Variants in NPHP3 observed in about 807,000 individuals in gnomAD.
The protein encoded by NPHP3 is nephrocystin-3.
A neutral mutation model predicts 171.9 loss-of-function variants in NPHP3; 123 were observed. The ratio of observed to expected loss-of-function variants is 0.72; its 90% CI spans 0.62 to 0.83. NPHP3 has a LOEUF of 0.83. Among genes scored for constraint, NPHP3 ranks in the 40% least tolerant of loss-of-function variants. The probability of loss-of-function intolerance (pLI) is 0.00; values close to 1 mark genes in which losing one functional copy is unlikely to be tolerated. For missense variants in NPHP3, 1,506 were observed against 1,591.9 expected (o/e 0.95, Z 0.92); for synonymous variants, 558 against 579.2 (o/e 0.96, Z 0.52).
intron 5 of NPHP3, among the ~76,000 whole-genome samples, chr3:132,714,703 C>T (rs1381913913): frequency 1.3e-5 from 2 of 152,026 alleles, no homozygotes; most frequent in East Asian, 3.9e-4. Context: ...CCCTCCAGCC[C>T]AGGCAACAGA....
At chr3:132,713,029 A>G in intron 6 of NPHP3, 97 bp downstream of exon 6, 2 of 576,060 alleles carry the variant, frequency 3.5e-6, no homozygotes, top group Non-Finnish European at 6.0e-6. Flanking sequence ...TTTTTATTAT[A>G]AGGATGCAAT....
intron 8 of NPHP3, 63 bp from the exon 9 acceptor site, chr3:132,704,434 A>G: frequency 6.3e-7 from 1 of 1,594,450 alleles, no homozygotes; most frequent in Non-Finnish European, 8.6e-7. Context: ...CAGCGGGGTC[A>G]CCCAGGCCCA....
Position 132,681,819 on chromosome 3 carries a change from C to T in NPHP3, c.*91G>A. The T allele has an allele frequency of 4.1e-6, 5 of 1,205,782 alleles. No individual in the cohort carries two copies. Among genetic ancestry groups the T allele is most frequent in the South Asian group, 1.3e-5 (1 of 79,980 alleles). 74.7% of individuals were successfully genotyped at this position (1,205,782 alleles called of 1,614,324 possible). A position where few individuals can be genotyped will look rare whatever the true frequency, so the allele number is the denominator to read the frequency against. ...AAATCACACGTAGTAAAATTTCGTA[C>T]AACATTTTTTTAAAGTTTCAAATTC... is the stretch of plus-strand genomic sequence containing the variant. On this transcript the variant is annotated 3_prime_UTR_variant, in exon 27 of 27. Transcript: ENST00000337331.
At chr3:132,717,752 C>CTTTTTTTTTTTTT (rs959757847) in intron 3 of NPHP3, among the ~76,000 whole-genome samples, 4 of 81,262 alleles carry the variant, frequency 4.9e-5, no homozygotes, top group East Asian at 4.5e-4. Context: ...CATTAAGAAT[C>CTTTTTTTTTTTTT]TTTTTTTTTT....
At chr3:132,682,181 A>T in intron 26 of NPHP3, 91 bp from the exon 27 acceptor site, 1 of 1,222,490 alleles carries the variant, frequency 8.2e-7, no homozygotes, top group Non-Finnish European at 1.2e-6. Flanking sequence ...AAGAAGCTGT[A>T]AATATTTGCC....
In NPHP3 at chr3:132,722,208, C is replaced by A; in HGVS notation, c.148G>T (p.Gly50Trp). 6.6e-7 allele frequency: 1 copy of A among 1,519,394 alleles called. No homozygotes were observed. The highest frequency in any genetic ancestry group is 8.7e-7 in the Non-Finnish European group (1 of 1,143,300). 94.1% of individuals were successfully genotyped at this position (1,519,394 alleles called of 1,614,324 possible). A position where few individuals can be genotyped will look rare whatever the true frequency, so the allele number is the denominator to read the frequency against. ...LLRNSFRRGA[G>W]AAAGAGPGSL... ...CCGGGCCCGGCCCCTGCTGCCGCCC[C>A]CGCGCCTCGGCGGAACGAGTTGCGC... Residue 50 changes from glycine (G) to tryptophan (W), a missense_variant, in exon 1 of 27, where the codon GGG becomes TGG. By Grantham distance (184) the Gly-to-Trp change is radical. This residue lies in a region of NPHP3 where 930 missense variants were observed against 924.9 expected (regional missense o/e 1.01). Coordinates refer to ENST00000337331, the MANE Select transcript of NPHP3 (RefSeq NM_153240.5).
chr3:132,688,589 G>T, intron 21 of NPHP3, 61 bp downstream of exon 21: 1 of 1,567,132 alleles, frequency 6.4e-7, no homozygotes, highest in African/African-American at 1.3e-5. Flanking sequence ...TACCCTATAA[G>T]TACACTAAAA....
In NPHP3 at chr3:132,692,738, A is replaced by T; in HGVS notation, c.2391T>A (p.Thr797=). The change falls in exon 17 of 27, where the codon ACT becomes ACA. Residue 797 remains threonine (T), a synonymous_variant. Coordinates refer to ENST00000337331, the MANE Select transcript of NPHP3 (RefSeq NM_153240.5). ...LMELYPEMSW[T]FLTSLIHSLY... ...AACTGTGAATAAGGGAGGTCAAGAA[A>T]GTCCAGGACATCTCAGGATAGAGTT... 1 of 1,614,034 alleles carries T rather than the reference A, an allele frequency of 6.2e-7. No individual in the cohort carries two copies. Among genetic ancestry groups the T allele is most frequent in the Non-Finnish European group, 8.5e-7 (1 of 1,179,910 alleles).
chr3:132,695,357 C>T (rs957656717), intron 15 of NPHP3, among the ~76,000 whole-genome samples: 3 of 151,798 alleles, frequency 2.0e-5, no homozygotes, highest in Admixed American at 2.0e-4. Context: ...TTTGAAAACA[C>T]AAGGCTAAAG....
At chr3:132,706,687 A>G (rs1242227400) in intron 7 of NPHP3, among the ~76,000 whole-genome samples, 1 of 152,196 alleles carries the variant, frequency 6.6e-6, no homozygotes, top group African/African-American at 2.4e-5. Flanking sequence ...TTTACCCTAC[A>G]TTTACATTTA....
At chr3:132,693,581 G>C (rs1415863374) in intron 16 of NPHP3, 1 of 152,230 alleles carries the variant, frequency 6.6e-6, no homozygotes, top group Non-Finnish European at 1.5e-5. Context: ...CATAAAAATA[G>C]ATCCAGGTTC....
intron 10 of NPHP3, among the ~76,000 whole-genome samples, 167 bp downstream of exon 10, chr3:132,701,263 C>T (rs576856321): frequency 6.6e-6 from 1 of 152,180 alleles, no homozygotes; most frequent in South Asian, 2.1e-4. Context: ...TTCTCTCTAA[C>T]ATCCAAATTC....
At chr3:132,688,271 T>G (rs1453546916) in intron 21 of NPHP3, among the ~76,000 whole-genome samples, 1 of 152,200 alleles carries the variant, frequency 6.6e-6, no homozygotes, top group Non-Finnish European at 1.5e-5. Context: ...ATGTTTAGAC[T>G]TGGGTCCCAT....
At position 132,705,732 on chromosome 3, in the gene NPHP3, A is replaced by G; in HGVS notation, c.1350+8T>C. ...TTAGATGAAAACTTACAGAGAATGCATATTTACCTGTTTAATAATCTTTTC... is the reference window on the plus strand; with the variant it reads ...TTAGATGAAAACTTACAGAGAATGCGTATTTACCTGTTTAATAATCTTTTC... On this transcript the variant is annotated splice_region_variant and intron_variant, in intron 8 of 26. Coordinates refer to ENST00000337331, the MANE Select transcript of NPHP3 (RefSeq NM_153240.5). The G allele has an allele frequency of 3.2e-6, 4 of 1,263,038 alleles. No homozygotes were observed. The highest frequency in any genetic ancestry group is 4.6e-6 in the Non-Finnish European group (4 of 863,904). The allele number at this position is 1,263,038 out of a possible 1,614,324, so 78.2% of individuals were successfully genotyped here.
rs767660734 is a variant in NPHP3 at position 132,686,261 on chromosome 3, C to G, written c.3328G>C (p.Glu1110Gln). The change falls in exon 23 of 27, where the codon GAA becomes CAA. Residue 1110 changes from glutamate to glutamine, a missense_variant and splice_region_variant. Transcript: ENST00000337331. ...GVLYYLQNNL[E>Q]TADQFLKRSL... ...CATTATTAACCCCATGGTACTCACT[C>G]CAGGTTATTTTGAAGATAGTAGAGA... The G allele has an allele frequency of 8.1e-6, 13 of 1,613,298 alleles. No homozygotes were observed. Among genetic ancestry groups the G allele is most frequent in the Non-Finnish European group, 1.1e-5 (13 of 1,179,386 alleles).
rs2107961442 is a variant in NPHP3 at position 132,682,821 on chromosome 3, T to C, written c.3697-3A>G. 1 of 1,576,136 alleles carries C rather than the reference T, an allele frequency of 6.3e-7. No homozygotes were observed. Among genetic ancestry groups the C allele is most frequent in the Non-Finnish European group, 8.7e-7 (1 of 1,145,542 alleles). On this transcript the variant is annotated splice_polypyrimidine_tract_variant and splice_region_variant and intron_variant, in intron 25 of 26. Transcript: ENST00000337331. ...GGCAAAGCTTCAACGTGTTTTTTCT[T>C]ATTAAAAAAAATGATAATGCTCATG...
At chr3:132,717,123 T>A in intron 3 of NPHP3, 1 of 519,230 alleles carries the variant, frequency 1.9e-6, no homozygotes, top group Non-Finnish European at 3.4e-6. Context: ...AAAGAGAGGA[T>A]TAAAAAGAGA....
chr3:132,704,257 C>T lies in NPHP3; in HGVS notation c.1465G>A (p.Glu489Lys), dbSNP rs778503323. Residue 489 changes from glutamate (E) to lysine (K), a missense_variant, in exon 9 of 27, where the codon GAG becomes AAG. Physicochemically the swap from Glu to Lys is moderately conservative, Grantham distance 56. Transcript: ENST00000337331. ...GCCTGCTGAAAAGTTTCCATTTGCT[C>T]TTGTTCATCATGTATGTCCCACAGA... ...DVLWDIHDEQ[E>K]QMETFQQASN... 44 of 1,614,058 alleles carry T rather than the reference C, an allele frequency of 2.7e-5. No homozygotes were observed. Among genetic ancestry groups the T allele is most frequent in the Non-Finnish European group, 3.6e-5 (42 of 1,180,032 alleles).
rs80073136 is a variant in NPHP3 at position 132,714,572 on chromosome 3, A to T, written c.957+513T>A. Reference sequence around the variant, plus strand: ...TTCTCTGCAAAAAAAAAAAATAAATAAATTAAATTAGCCGTATGTGGTGGT... The same window carrying T: ...TTCTCTGCAAAAAAAAAAAATAAATTAATTAAATTAGCCGTATGTGGTGGT... On this transcript the variant is annotated intron_variant, in intron 5 of 26. Transcript: ENST00000337331. Among the ~76,000 whole-genome samples, 772 of 151,584 alleles carry T rather than the reference A, an allele frequency of 5.1e-3. 5 individuals are homozygous for T. Among genetic ancestry groups the T allele is most frequent in the African/African-American group, 0.018 (724 of 41,040 alleles).
Sources: allele counts gnomAD v4.1 joint callset (sites outside exome capture counted in the v4.1 genomes callset), GRCh38; gene constraint gnomAD v4.1.1; regional missense constraint gnomAD v4.1.1; transcripts MANE v1.5; gene names NCBI Gene and HGNC (gene_info 2026-07-23, HGNC 2026-07-21).